The following PRDM5 variants were observed in gnomAD, a reference collection of about 807,000 sequenced individuals.
PRDM5 encodes the protein PR domain zinc finger protein 5.
A neutral mutation model predicts 81.2 loss-of-function variants in PRDM5; 56 were observed. That is an observed-to-expected ratio of 0.69 (90% CI 0.56 to 0.86). The LOEUF (loss-of-function observed/expected upper bound fraction) is 0.86, where lower values mean the gene tolerates loss of function less well. Ranked by LOEUF, PRDM5 falls within the 40% of genes least tolerant of loss-of-function variation. The pLI is 0.00. For synonymous variants in PRDM5, 267 were observed against 256.4 expected (o/e 1.04, Z -0.39); for missense variants, 697 against 770.1 (o/e 0.91, Z 1.12).
chr4:120,818,385 C>A lies in PRDM5; in HGVS notation c.618G>T (p.Lys206Asn). ...EKEFKCKNCG[K>N]KFPVKQALQR... ...GCAAAGCCTGCTTAACTGGGAATTT[C>A]TTCCCACAGTTCTTGCACTTAAATT... The change falls in exon 5 of 16, where the codon AAG becomes AAT. Residue 206 changes from lysine (K) to asparagine (N), a missense_variant. Transcript: ENST00000264808. 3 of 1,614,048 alleles carry A rather than the reference C, an allele frequency of 1.9e-6. No individual in the cohort carries two copies. The highest frequency in any genetic ancestry group is 2.5e-6 in the Non-Finnish European group (3 of 1,179,956).
chr4:120,793,331 T>C (rs928007469), intron 10 of PRDM5, among the ~76,000 whole-genome samples: 17 of 152,148 alleles, frequency 1.1e-4, no homozygotes, highest in Admixed American at 6.5e-5. Context: ...GATGGGACCA[T>C]CTAGTTGTAG....
chr4:120,798,438 G>A lies in PRDM5; in HGVS notation c.1031-14C>T, dbSNP rs1343017408. 8.3e-7 allele frequency: 1 copy of A among 1,199,526 alleles called. No homozygotes were observed. Among genetic ancestry groups the A allele is most frequent in the Admixed American group, 1.8e-5 (1 of 55,880 alleles). The allele number at this position is 1,199,526 out of a possible 1,614,324, so 74.3% of individuals were successfully genotyped here. On this transcript the variant is annotated splice_polypyrimidine_tract_variant and intron_variant, in intron 9 of 15. Transcript: ENST00000264808. ...AGGGTCGTTTTTCTATTAAAAAAAT[G>A]AGTGGAGACAATCTCATATCTATAT...
chr4:120,736,199 TTGTGTGTGTGTGTG>T (rs57073985), intron 14 of PRDM5, among the ~76,000 whole-genome samples: 14 of 145,138 alleles, frequency 9.6e-5, no homozygotes, highest in African/African-American at 3.1e-4. Flanking sequence ...TACTATCCTT[TTGTGTGTGTGTGTG>T]TGTGTGTGTG....
intron 14 of PRDM5, among the ~76,000 whole-genome samples, chr4:120,752,632 G>A (rs1209215390): frequency 6.6e-6 from 1 of 152,142 alleles, no homozygotes. Flanking sequence ...AATTTGCTTA[G>A]TGTGGAAATA....
chr4:120,764,391 T>C (rs928810059), intron 13 of PRDM5, among the ~76,000 whole-genome samples: 4 of 152,186 alleles, frequency 2.6e-5, no homozygotes, highest in African/African-American at 9.6e-5. Flanking sequence ...CTGTGCCCCT[T>C]AATCCAACCT....
chr4:120,868,873 T>G (rs1201436744), intron 2 of PRDM5, among the ~76,000 whole-genome samples: 1 of 152,120 alleles, frequency 6.6e-6, no homozygotes, highest in Non-Finnish European at 1.5e-5. Flanking sequence ...TTACAGTCTC[T>G]TCCATACTTA....
rs1337767519 is a variant in PRDM5 at position 120,907,726 on chromosome 4, A to G, written c.94-169T>C. On this transcript the variant is annotated intron_variant, in intron 1 of 15. Transcript: ENST00000264808. ...AACACAAAATGTTTATTTACAATCC[A>G]ACTTAATCTGTTTTTAGCCTAAAAC... 3.9e-5 allele frequency among the ~76,000 whole-genome samples: 6 copies of G among 152,248 alleles called. No individual in the cohort carries two copies. In the East Asian group the frequency reaches 1.2e-3, roughly 29 times the overall value.
intron 2 of PRDM5, among the ~76,000 whole-genome samples, chr4:120,875,692 G>A (rs1012882604): frequency 3.7e-4 from 57 of 152,336 alleles, no homozygotes; most frequent in African/African-American, 1.3e-3. Context: ...AGAAAGCAGT[G>A]TAGTTAGTGA....
intron 1 of PRDM5, among the ~76,000 whole-genome samples, chr4:120,913,897 G>T (rs189329863): frequency 9.8e-5 from 15 of 152,298 alleles, no homozygotes; most frequent in South Asian, 6.2e-4. Flanking sequence ...CCAGAAAGCT[G>T]ACTGACAGGG....
chr4:120,730,760 T>G (rs1740131656), intron 14 of PRDM5, among the ~76,000 whole-genome samples: 1 of 151,590 alleles, frequency 6.6e-6, no homozygotes, highest in Non-Finnish European at 1.5e-5. Context: ...ACAGTGGTGG[T>G]GAAGCAACAA....
intron 13 of PRDM5, among the ~76,000 whole-genome samples, chr4:120,776,752 T>C (rs1748210487): frequency 6.6e-6 from 1 of 152,126 alleles, no homozygotes; most frequent in African/African-American, 2.4e-5. Flanking sequence ...AGATATTACA[T>C]TCACATCACC....
At position 120,888,521 on chromosome 4, in the gene PRDM5, C is replaced by G. The variant is rs141491796; in HGVS notation, c.177+18953G>C. ...ATGTATTTGTCCATTTACTAGTATA[C>G]GGACATTTGTGTTACTTCTAGCTTG... is the stretch of plus-strand genomic sequence containing the variant. On this transcript the variant is annotated intron_variant, in intron 2 of 15. Transcript: ENST00000264808. Among the ~76,000 whole-genome samples the G allele has an allele frequency of 2.5e-3, 374 of 152,230 alleles. 5 individuals carry two copies. The highest frequency in any genetic ancestry group is 0.023 in the Admixed American group (351 of 15,294).
chr4:120,900,349 T>A (rs1463116226), intron 2 of PRDM5, among the ~76,000 whole-genome samples: 1 of 152,086 alleles, frequency 6.6e-6, no homozygotes, highest in Non-Finnish European at 1.5e-5. Context: ...AGTCATCTCA[T>A]TAGCAAACAA....
intron 14 of PRDM5, among the ~76,000 whole-genome samples, chr4:120,748,697 C>T (rs1743517260): frequency 6.6e-6 from 1 of 151,810 alleles, no homozygotes; most frequent in Admixed American, 6.6e-5. Flanking sequence ...TAGCTCTCTC[C>T]TCCACCACAC....
intron 3 of PRDM5, among the ~76,000 whole-genome samples, chr4:120,831,529 T>C (rs1246219795): frequency 1.3e-5 from 2 of 152,230 alleles, no homozygotes; most frequent in African/African-American, 2.4e-5. Flanking sequence ...AATTCAATTG[T>C]TTCTAAGAAA....
At chr4:120,734,616 C>A (rs1290056483) in intron 14 of PRDM5, among the ~76,000 whole-genome samples, 4 of 152,172 alleles carry the variant, frequency 2.6e-5, no homozygotes, top group Non-Finnish European at 5.9e-5. Flanking sequence ...AAACGCTTCC[C>A]TTCCCTTGGC....
rs371617787 is a variant in PRDM5, at chr4:120,781,207, T to C, written c.1379A>G (p.Lys460Arg). Reference protein sequence around the residue: ...HVQVVHERHKKYRCELCNKAF... With the variant: ...HVQVVHERHKRYRCELCNKAF... ...CTTATTACATAGCTCACACCTATAC[T>C]TCTTGTGTCTTTCATGAACCACCTG... Residue 460 changes from lysine to arginine, a missense_variant, in exon 12 of 16, where the codon AAG (lysine) becomes AGG (arginine). Physicochemically the swap from Lys to Arg is conservative, Grantham distance 26. This residue lies in a region of PRDM5 where 577 missense variants were observed against 606.7 expected (regional missense o/e 0.95). Transcript: ENST00000264808. 3 of 1,613,292 alleles carry C rather than the reference T, an allele frequency of 1.9e-6. No individual in the cohort carries two copies. The African/African-American group carries it at 4.0e-5, about 22-fold the overall frequency.
intron 14 of PRDM5, among the ~76,000 whole-genome samples, chr4:120,748,510 T>C (rs1243287537): frequency 6.6e-6 from 1 of 151,866 alleles, no homozygotes; most frequent in Non-Finnish European, 1.5e-5. Context: ...GGCATTGTGG[T>C]GCATGCCTGT....
chr4:120,688,047 A>G (rs1158197118), downstream of PRDM5, among the ~76,000 whole-genome samples: 1 of 152,080 alleles, frequency 6.6e-6, no homozygotes, highest in Non-Finnish European at 1.5e-5. Flanking sequence ...TTTTTTCAGA[A>G]ATGTCCATAT....
Sources: gnomAD v4.1 joint callset for allele counts (sites outside exome capture counted in the v4.1 genomes callset) on GRCh38, gnomAD v4.1.1 for gene constraint, gnomAD v4.1.1 regional missense constraint, MANE v1.5 for transcripts, NCBI Gene and HGNC (gene_info 2026-07-23, HGNC 2026-07-21) for gene names.